CSMD1: variants seen among roughly 807,000 people sequenced by gnomAD.
CSMD1 encodes the protein CUB and sushi domain-containing protein 1.
In CSMD1, 213 loss-of-function variants were observed where a neutral mutation model predicts 417.5. That is an observed-to-expected ratio of 0.51 (90% CI 0.46 to 0.57). The LOEUF (loss-of-function observed/expected upper bound fraction) is 0.57, where lower values mean the gene tolerates loss of function less well. CSMD1 is among the 20% of genes least tolerant of loss of function. The pLI is 0.00. For synonymous variants in CSMD1, 2,862 were observed against 1,736.8 expected (o/e 1.65, Z -16.11); for missense variants, 6,923 against 4,529.7 (o/e 1.53, Z -15.17).
chr8:3,236,598 G>A (rs1233969012), intron 26 of CSMD1, among the ~76,000 whole-genome samples: 1 of 152,204 alleles, frequency 6.6e-6, no homozygotes, highest in Non-Finnish European at 1.5e-5. Context: ...CCCCCACCCA[G>A]GGGCACTCCA....
At chr8:4,114,357 T>C (rs1275937452) in intron 3 of CSMD1, among the ~76,000 whole-genome samples, 1 of 152,228 alleles carries the variant, frequency 6.6e-6, no homozygotes, top group Non-Finnish European at 1.5e-5. Context: ...TGCAGTATTT[T>C]AAGCCTACTG....
chr8:4,961,998 A>G (rs1469743195), intron 1 of CSMD1, among the ~76,000 whole-genome samples: 1 of 151,936 alleles, frequency 6.6e-6, no homozygotes, highest in Non-Finnish European at 1.5e-5. Flanking sequence ...ATGGATACAA[A>G]ATTTCTGTTA....
At chr8:4,079,065 G>C (rs1179460615) in intron 3 of CSMD1, among the ~76,000 whole-genome samples, 3 of 151,676 alleles carry the variant, frequency 2.0e-5, no homozygotes, top group African/African-American at 7.3e-5. Flanking sequence ...GTCCCGAATG[G>C]AACTTATACA....
In CSMD1 at chr8:3,223,615, A is replaced by T. The variant is rs1047763750; in HGVS notation, c.4484+114T>A. 4 of 1,087,206 alleles carry T rather than the reference A, an allele frequency of 3.7e-6. No individual in the cohort carries two copies. The Admixed American group carries it at 6.7e-5, about 18-fold the overall frequency. 67.3% of individuals were successfully genotyped at this position (1,087,206 alleles called of 1,614,324 possible). ...CTGGTGTAGTCTCCATTAGACACAAAATCTAGCACTTACCTAGATATAACA... is the reference window on the plus strand; with the variant it reads ...CTGGTGTAGTCTCCATTAGACACAATATCTAGCACTTACCTAGATATAACA... On this transcript the variant is annotated intron_variant, in intron 28 of 69. Coordinates refer to ENST00000635120, the MANE Select transcript of CSMD1 (RefSeq NM_033225.6).
intron 46 of CSMD1, among the ~76,000 whole-genome samples, chr8:3,103,554 C>T (rs768055289): frequency 2.6e-5 from 4 of 152,104 alleles, no homozygotes; most frequent in South Asian, 2.1e-4. Flanking sequence ...AACTGCTAGA[C>T]GTCACTCGGT....
At chr8:3,850,924 A>C (rs2129099885) in intron 5 of CSMD1, among the ~76,000 whole-genome samples, 1 of 152,324 alleles carries the variant, frequency 6.6e-6, no homozygotes, top group African/African-American at 2.4e-5. Context: ...CTAATTTAAA[A>C]GAAATAAGAA....
At chr8:4,904,266 G>T (rs889529968) in intron 1 of CSMD1, among the ~76,000 whole-genome samples, 1 of 152,124 alleles carries the variant, frequency 6.6e-6, no homozygotes, top group Admixed American at 6.5e-5. Flanking sequence ...CTTAACTGTG[G>T]ATTTTAGGAA....
At chr8:3,307,916 TA>T in intron 24 of CSMD1, 95 bp from the exon 25 acceptor site, 1 of 1,332,632 alleles carries the variant, frequency 7.5e-7, no homozygotes, top group Non-Finnish European at 1.0e-6. Context: ...ATGTCTGCAT[TA>T]TATACATAGA....
intron 2 of CSMD1, among the ~76,000 whole-genome samples, chr8:4,480,666 C>G (rs1301435017): frequency 6.6e-6 from 1 of 152,242 alleles, no homozygotes; most frequent in Admixed American, 6.5e-5. Context: ...TTTACTAACT[C>G]CCTATGGGTC....
At chr8:3,449,783 G>C (rs962639171) in intron 12 of CSMD1, among the ~76,000 whole-genome samples, 1 of 152,138 alleles carries the variant, frequency 6.6e-6, no homozygotes, top group African/African-American at 2.4e-5. Flanking sequence ...CTCCCAAAGT[G>C]CCAGCATTAC....
chr8:3,643,441 G>A (rs1417590853), intron 7 of CSMD1, among the ~76,000 whole-genome samples: 1 of 151,768 alleles, frequency 6.6e-6, no homozygotes, highest in East Asian at 2.0e-4. Context: ...CGTGGCTCAC[G>A]CCTGTAATCC....
chr8:4,147,908 C>T (rs915874148), intron 3 of CSMD1, among the ~76,000 whole-genome samples: 3 of 152,082 alleles, frequency 2.0e-5, no homozygotes, highest in Admixed American at 6.5e-5. Context: ...CTCAAAGCCT[C>T]GGAGGCTCCT....
intron 3 of CSMD1, among the ~76,000 whole-genome samples, chr8:4,179,905 G>A (rs949004450): frequency 3.0e-4 from 45 of 152,196 alleles, no homozygotes; most frequent in African/African-American, 4.8e-4. Context: ...TTAGAATGGC[G>A]ATCATTAAAA....
intron 5 of CSMD1, among the ~76,000 whole-genome samples, chr8:3,879,027 C>A (rs1018094748): frequency 3.3e-5 from 5 of 152,076 alleles, no homozygotes; most frequent in Admixed American, 3.3e-4. Context: ...GTATATTTTA[C>A]CTCTGAAGTT....
chr8:4,947,424 T>TC (rs386411944), intron 1 of CSMD1, among the ~76,000 whole-genome samples: 8 of 152,146 alleles, frequency 5.3e-5, no homozygotes, highest in East Asian at 1.9e-4. Flanking sequence ...CCAGTTTTTT[T>TC]CTCACATAGG....
chr8:4,646,344 C>G (rs1250462195), intron 1 of CSMD1, among the ~76,000 whole-genome samples: 1 of 152,104 alleles, frequency 6.6e-6, no homozygotes, highest in African/African-American at 2.4e-5. Flanking sequence ...GAGTTGTTCC[C>G]TACATTTGAA....
At chr8:3,278,343 A>G (rs1802466959) in intron 26 of CSMD1, 1 of 152,198 alleles carries the variant, frequency 6.6e-6, no homozygotes, top group Admixed American at 6.5e-5. Flanking sequence ...TGTGTCCAAG[A>G]AAACAAATAT....
rs550843456 is a variant in CSMD1 at position 3,578,233 on chromosome 8, T to G, written c.1223-3167A>C. 2.3e-4 allele frequency among the ~76,000 whole-genome samples: 35 copies of G among 152,222 alleles called. No homozygotes were observed. In the South Asian group the frequency reaches 6.2e-3, roughly 27 times the overall value. On this transcript the variant is annotated intron_variant, in intron 9 of 69. Transcript: ENST00000635120. Reference sequence around the variant, plus strand: ...ATTTGGAAAATAGAAAAAGAAGAGTTAGAGAAGAAAATGGGACAGGCTGAG... The same window carrying G: ...ATTTGGAAAATAGAAAAAGAAGAGTGAGAGAAGAAAATGGGACAGGCTGAG...
At chr8:4,324,287 C>A (rs1799429390) in intron 3 of CSMD1, among the ~76,000 whole-genome samples, 1 of 152,194 alleles carries the variant, frequency 6.6e-6, no homozygotes, top group South Asian at 2.1e-4. Context: ...TCATCACTAA[C>A]TGCGTATTCC....
Sources: allele counts gnomAD v4.1 joint callset (sites outside exome capture counted in the v4.1 genomes callset), GRCh38; gene constraint gnomAD v4.1.1; transcripts MANE v1.5; gene names NCBI Gene and HGNC (gene_info 2026-07-23, HGNC 2026-07-21).